The following AIFM2 variants were observed in gnomAD, a reference collection of about 807,000 sequenced individuals.
AIFM2 encodes ferroptosis suppressor protein 1.
A neutral mutation model predicts 35.7 loss-of-function variants in AIFM2; 38 were observed. The ratio of observed to expected loss-of-function variants is 1.06; its 90% CI spans 0.82 to 1.39. The LOEUF is 1.39. Among genes scored for constraint, AIFM2 ranks in the 40% most tolerant of loss-of-function variants. The probability of loss-of-function intolerance (pLI) is 0.00; values close to 1 mark genes in which losing one functional copy is unlikely to be tolerated. For missense variants in AIFM2, 476 were observed against 491.2 expected, an observed-to-expected ratio of 0.97 and a Z score of 0.29; for synonymous variants, 185 against 203.5, an observed-to-expected ratio of 0.91 and a Z score of 0.77.
At chr10:70,123,547 T>A in intron 2 of AIFM2, 27 bp from the exon 3 acceptor site, 1 of 1,601,742 alleles carries the variant, frequency 6.2e-7, no homozygotes, top group South Asian at 1.1e-5. Context: ...GAAGAGGTCA[T>A]AGGGCAGAGC....
intron 1 of AIFM2, among the ~76,000 whole-genome samples, chr10:70,124,531 C>G (rs1292842401): frequency 6.6e-6 from 1 of 152,206 alleles, no homozygotes; most frequent in African/African-American, 2.4e-5. Flanking sequence ...CACTCAACAA[C>G]ATATATGAAT....
chr10:70,121,081 G>C lies in AIFM2; in HGVS notation c.414+11C>G, dbSNP rs770963127. ...GCCCACACTGCCCCATGCCTTCAGTGCACAGCTCACCTGCCTCACCATGTC... is the reference window on the plus strand; with the variant it reads ...GCCCACACTGCCCCATGCCTTCAGTCCACAGCTCACCTGCCTCACCATGTC... On this transcript the variant is annotated intron_variant, in intron 4 of 8. Transcript: ENST00000307864. 7 of 1,609,484 alleles carry C rather than the reference G, an allele frequency of 4.3e-6. No homozygotes were observed. In the South Asian group the frequency reaches 7.7e-5, roughly 18 times the overall value.
rs778641088 is a variant in AIFM2, at chr10:70,116,653, C to A, written c.738G>T (p.Lys246Asn). 2 of 1,614,162 alleles carry A rather than the reference C, an allele frequency of 1.2e-6. No individual in the cohort carries two copies. The highest frequency in any genetic ancestry group is 3.3e-5 in the Admixed American group (2 of 60,028). ...TNLVILCTGIKINSSAYRKAF... is the reference protein window; with the variant it reads ...TNLVILCTGININSSAYRKAF... ...CTTTGCGGTAGGCGGAGCTGTTGAT[C>A]TTGATGCCGGTGCAGAGAATCACCA... The change falls in exon 7 of 9, where the codon AAG becomes AAT. Residue 246 changes from lysine to asparagine, a missense_variant. Coordinates refer to ENST00000307864, the MANE Select transcript of AIFM2 (RefSeq NM_032797.6).
In AIFM2 at chr10:70,117,584, C is replaced by G. The variant is rs571389696; in HGVS notation, c.616+228G>C. Among the ~76,000 whole-genome samples the G allele has an allele frequency of 6.6e-6, 1 of 152,360 alleles. No homozygotes were observed. Among genetic ancestry groups the G allele is most frequent in the East Asian group, 1.9e-4 (1 of 5,176 alleles). On this transcript the variant is annotated intron_variant, in intron 6 of 8. Transcript: ENST00000307864. The surrounding 1 kb of genome is among the most constrained non-coding windows in gnomAD (Gnocchi z 4.7). ...ATGGAAATCCCGTAAGTACCAGGCC[C>G]TCTTCCCTGCCCAGGGACGGGCACA...
At position 70,117,899 on chromosome 10, in the gene AIFM2, C is replaced by G. The variant is rs1356068659; in HGVS notation, c.529G>C (p.Val177Leu). The G allele has an allele frequency of 6.2e-6, 10 of 1,608,212 alleles. No individual in the cohort carries two copies. The highest frequency in any genetic ancestry group is 8.5e-6 in the Non-Finnish European group (10 of 1,177,662). The part of the protein sequence containing the change: ...EKEVTLIHSQ[V>L]ALADKELLPS... ...AGGAGCTCCTTGTCAGCCAGGGCCA[C>G]TTGGGAGTGAATGAGAGTGACCTGA... is the stretch of plus-strand genomic sequence containing the variant. The change falls in exon 6 of 9, where the codon GTG (valine) becomes CTG (leucine). Residue 177 changes from valine (V) to leucine (L), a missense_variant. By Grantham distance (32) the Val-to-Leu change is conservative. Transcript: ENST00000307864. The surrounding 1 kb of genome is among the most constrained non-coding windows in gnomAD (Gnocchi z 4.7).
Position 70,131,378 on chromosome 10 carries a change from C to T in AIFM2, c.-14+1356G>A, listed in dbSNP as rs746767345. Among the ~76,000 whole-genome samples the T allele has an allele frequency of 2.0e-4, 30 of 152,138 alleles. No individual in the cohort carries two copies. The highest frequency in any genetic ancestry group is 3.9e-4 in the Admixed American group (6 of 15,280). ...CAGCAGGATGGAGACGGTTGGGCGGCCTCCCTTCCTGGGACACTCCATGGC... is the reference window on the plus strand; with the variant it reads ...CAGCAGGATGGAGACGGTTGGGCGGTCTCCCTTCCTGGGACACTCCATGGC... On this transcript the variant is annotated intron_variant, in intron 1 of 8. Coordinates refer to ENST00000307864, the MANE Select transcript of AIFM2 (RefSeq NM_032797.6). This position sits in a 1 kb window ranked among gnomAD's most constrained non-coding sequence, Gnocchi z 4.1.
rs7081406 is a variant in AIFM2, at chr10:70,130,962, A to T, written c.-14+1772T>A. ...CACACACACAATCTGATTTACACAAAAATTTGCTCAGTCAATCCTGTTTTC... is the reference window on the plus strand; with the variant it reads ...CACACACACAATCTGATTTACACAATAATTTGCTCAGTCAATCCTGTTTTC... On this transcript the variant is annotated intron_variant, in intron 1 of 8. Coordinates refer to ENST00000307864, the MANE Select transcript of AIFM2 (RefSeq NM_032797.6). 3.4e-3 allele frequency among the ~76,000 whole-genome samples: 517 copies of T among 152,286 alleles called. 2 individuals carry two copies. Among genetic ancestry groups the T allele is most frequent in the African/African-American group, 0.012 (488 of 41,548 alleles).
chr10:70,114,258 G>C lies in AIFM2; in HGVS notation c.1042C>G (p.Arg348Gly). 1 of 1,613,748 alleles carries C rather than the reference G, an allele frequency of 6.2e-7. No homozygotes were observed. The change falls in exon 9 of 9, where the codon CGG becomes GGG. Residue 348 changes from arginine to glycine, a missense_variant. Coordinates refer to ENST00000307864, the MANE Select transcript of AIFM2 (RefSeq NM_032797.6). ...VGQISGFYVG[R>G]LMVRLTKSRD... The stretch of plus-strand genomic sequence containing the variant: ...CTCTTGGTCAGCCGAACCATGAGCC[G>C]GCCCACATAGAAGCCACTGATTTGG...
chr10:70,123,317 C>T, intron 3 of AIFM2, 88 bp downstream of exon 3: 1 of 1,185,206 alleles, frequency 8.4e-7, no homozygotes, highest in Non-Finnish European at 1.2e-6. Flanking sequence ...CCGCCCCCAG[C>T]CTAGCTCTCT....
intron 1 of AIFM2, among the ~76,000 whole-genome samples, chr10:70,129,437 A>C (rs2072604075): frequency 6.6e-6 from 1 of 152,110 alleles, no homozygotes; most frequent in African/African-American, 2.4e-5. Flanking sequence ...CACATGAAAG[A>C]TCTAATCCCA....
chr10:70,115,400 T>G lies in AIFM2; in HGVS notation c.770-280A>C, dbSNP rs1056206950. Among the ~76,000 whole-genome samples, 6 of 151,600 alleles carry G rather than the reference T, an allele frequency of 4.0e-5. No homozygotes were observed. The South Asian group carries it at 6.2e-4, about 16-fold the overall frequency. ...ATACCAACAAGCCTCCTTTTAGAAATGTACATAACTCTCAACAAGTTACAA... is the reference window on the plus strand; with the variant it reads ...ATACCAACAAGCCTCCTTTTAGAAAGGTACATAACTCTCAACAAGTTACAA... On this transcript the variant is annotated intron_variant, in intron 7 of 8. Transcript: ENST00000307864.
rs946355442 is a variant in AIFM2, at chr10:70,112,436, G to A, written c.*1742C>T. 6.6e-6 allele frequency: 1 copy of A among 152,240 alleles called. No homozygotes were observed. Among genetic ancestry groups the A allele is most frequent in the African/African-American group, 2.4e-5 (1 of 41,468 alleles). The allele number at this position is 152,240 out of a possible 1,614,324, so 9.4% of individuals were successfully genotyped here. Reference sequence around the variant, plus strand: ...CCCAGGTCAGATAGCACCAGGGCCTGTGTTTCTTAGGCCGAAGGTCCTGCC... The same window carrying A: ...CCCAGGTCAGATAGCACCAGGGCCTATGTTTCTTAGGCCGAAGGTCCTGCC... On this transcript the variant is annotated 3_prime_UTR_variant, in exon 9 of 9. Coordinates refer to ENST00000307864, the MANE Select transcript of AIFM2 (RefSeq NM_032797.6).
At chr10:70,122,305 G>C (rs2072518484) in intron 3 of AIFM2, among the ~76,000 whole-genome samples, 1 of 152,186 alleles carries the variant, frequency 6.6e-6, no homozygotes, top group Non-Finnish European at 1.5e-5. Flanking sequence ...CATGGCTGGA[G>C]ACTGCAGGAC....
intron 1 of AIFM2, among the ~76,000 whole-genome samples, chr10:70,124,601 T>C (rs1051072163): frequency 2.0e-5 from 3 of 152,194 alleles, no homozygotes; most frequent in Non-Finnish European, 4.4e-5. Flanking sequence ...CAGGCAGATA[T>C]GGTCCCTGCC....
intron 1 of AIFM2, among the ~76,000 whole-genome samples, chr10:70,126,698 G>C (rs1417111760): frequency 6.6e-6 from 1 of 152,192 alleles, no homozygotes; most frequent in Non-Finnish European, 1.5e-5. Flanking sequence ...GGCAGCTTTT[G>C]GTTAGAACTC....
chr10:70,130,199 T>G (rs1406400842), intron 1 of AIFM2, among the ~76,000 whole-genome samples: 1 of 152,274 alleles, frequency 6.6e-6, no homozygotes, highest in Admixed American at 6.5e-5. Flanking sequence ...AAATTTTTTT[T>G]AATTTAAATT....
intron 1 of AIFM2, among the ~76,000 whole-genome samples, chr10:70,132,339 G>C (rs1479127362): frequency 1.3e-5 from 2 of 152,170 alleles, no homozygotes; most frequent in Non-Finnish European, 2.9e-5. Flanking sequence ...CTTCTGTCCG[G>C]ACCGGCCGCT....
intron 1 of AIFM2, among the ~76,000 whole-genome samples, chr10:70,130,857 G>A (rs548793790): frequency 2.6e-5 from 4 of 152,020 alleles, no homozygotes; most frequent in South Asian, 2.1e-4. Flanking sequence ...CTAAGAGAGC[G>A]GAACAAACCC....
At chr10:70,128,720 G>A (rs908421384) in intron 1 of AIFM2, among the ~76,000 whole-genome samples, 4 of 152,172 alleles carry the variant, frequency 2.6e-5, no homozygotes, top group African/African-American at 9.7e-5. Flanking sequence ...CAAGGGCTGG[G>A]TGTGGTGGCT....
Sources: gnomAD v4.1 joint callset for allele counts (sites outside exome capture counted in the v4.1 genomes callset) on GRCh38, gnomAD v4.1.1 for gene constraint, Gnocchi (gnomAD v3.1) non-coding constraint, MANE v1.5 for transcripts, NCBI Gene and HGNC (gene_info 2026-07-23, HGNC 2026-07-21) for gene names.